Variants in EYS observed in about 807,000 individuals in gnomAD.
The protein encoded by EYS is protein eyes shut homolog.
EYS carries 250 observed loss-of-function variants against 282.1 expected under a neutral mutation model. That is an observed-to-expected ratio of 0.89 (90% confidence interval 0.80 to 0.98). The LOEUF is 0.98. Among genes scored for constraint, EYS ranks in the 50% least tolerant of loss-of-function variants. The pLI, the probability that EYS is intolerant of heterozygous loss-of-function variation, is 0.00. For missense variants in EYS, 4,016 were observed against 3,709.0 expected, an observed-to-expected ratio of 1.08 and a Z score of -2.15; for synonymous variants, 1,355 against 1,282.9, an observed-to-expected ratio of 1.06 and a Z score of -1.20.
intron 29 of EYS, among the ~76,000 whole-genome samples, chr6:64,343,699 A>G (rs1248293473): frequency 6.6e-6 from 1 of 152,138 alleles, no homozygotes; most frequent in Non-Finnish European, 1.5e-5. Flanking sequence ...GCAAGAAGTA[A>G]CTAAGATCGA....
rs547607307 is a variant in EYS, at chr6:63,751,694, T to C, written c.8071+10767A>G. Reference sequence around the variant, plus strand: ...TCTTTGCTGAAGGAATGGATTATTGTCAGAGTCCACTGGGAGTTGTGTGAA... The same window carrying C: ...TCTTTGCTGAAGGAATGGATTATTGCCAGAGTCCACTGGGAGTTGTGTGAA... On this transcript the variant is annotated intron_variant, in intron 41 of 42. Transcript: ENST00000503581. Among the ~76,000 whole-genome samples, 10 of 152,322 alleles carry C rather than the reference T, an allele frequency of 6.6e-5. No individual in the cohort carries two copies. The South Asian group carries it at 2.1e-3, about 32-fold the overall frequency.
chr6:65,057,819 C>A, intron 12 of EYS, 92 bp from the exon 13 acceptor site: 1 of 858,788 alleles, frequency 1.2e-6, no homozygotes, highest in Non-Finnish European at 1.9e-6. Context: ...CTTTAATCCA[C>A]TTAGGATGAC....
chr6:65,230,759 G>T (rs1766751049), intron 12 of EYS, among the ~76,000 whole-genome samples: 1 of 151,358 alleles, frequency 6.6e-6, no homozygotes, highest in Non-Finnish European at 1.5e-5. Flanking sequence ...AAATTTGTCT[G>T]GAATATCCCT....
At chr6:63,777,938 G>T in intron 40 of EYS, 68 bp downstream of exon 40, 2 of 1,355,528 alleles carry the variant, frequency 1.5e-6, no homozygotes, top group South Asian at 2.5e-5. Flanking sequence ...CAAGTGGAAT[G>T]ACAGAGTGGA....
chr6:63,906,181 T>C (rs538579614), intron 35 of EYS, among the ~76,000 whole-genome samples: 1 of 152,352 alleles, frequency 6.6e-6, no homozygotes, highest in South Asian at 2.1e-4. Flanking sequence ...CCAGTTTTCC[T>C]TGTTATGAAG....
rs549456693 is a variant in EYS, at chr6:65,295,886, C to T, written c.2000G>A (p.Arg667His). The T allele has an allele frequency of 2.8e-4, 441 of 1,547,622 alleles. No homozygotes were observed. Among genetic ancestry groups the T allele is most frequent in the African/African-American group, 1.4e-3 (105 of 72,988 alleles). The change falls in exon 12 of 43, where the codon CGC becomes CAC. Residue 667 changes from arginine to histidine, a missense_variant. Coordinates refer to ENST00000503581, the MANE Select transcript of EYS (RefSeq NM_001142800.2). ...TSTHLRGYFFRKCVPGFKGTQ... is the reference protein window; with the variant it reads ...TSTHLRGYFFHKCVPGFKGTQ... ...GCCTTTAAATCCTGGGACACACTTG[C>T]GGAAGAAATATCCCCTTAAATGTGT...
intron 15 of EYS, among the ~76,000 whole-genome samples, chr6:64,944,682 T>C (rs896967235): frequency 1.3e-5 from 2 of 151,990 alleles, no homozygotes; most frequent in Non-Finnish European, 2.9e-5. Context: ...GAGGAAAGCA[T>C]CTTGCAGCTG....
Position 63,721,400 on chromosome 6 carries a change from T to C in EYS, c.8631A>G (p.Thr2877=). 1 of 1,551,666 alleles carries C rather than the reference T, an allele frequency of 6.4e-7. No homozygotes were observed. The highest frequency in any genetic ancestry group is 8.7e-7 in the Non-Finnish European group (1 of 1,146,858). ...GGSNVGDCDG[T]ACGYNTCRNG... ...TTCTGCATGTGTTGTACCCACAGGC[T>C]GTCCCATCACAGTCACCTACATTTG... The change falls in exon 43 of 43, where the codon ACA becomes ACG. Residue 2877 remains threonine, a synonymous_variant. Transcript: ENST00000503581.
At chr6:64,387,630 A>G (rs576820174) in intron 29 of EYS, among the ~76,000 whole-genome samples, 70 of 152,298 alleles carry the variant, frequency 4.6e-4, no homozygotes, top group Admixed American at 1.8e-3. Context: ...TAAACAAAAC[A>G]TATTTTTTAC....
chr6:64,085,744 A>T (rs969259859), intron 31 of EYS, among the ~76,000 whole-genome samples: 1 of 152,236 alleles, frequency 6.6e-6, no homozygotes, highest in Non-Finnish European at 1.5e-5. Flanking sequence ...AATACAACTT[A>T]ACTATTATTA....
At chr6:64,920,942 C>T (rs1056786620) in intron 15 of EYS, among the ~76,000 whole-genome samples, 1 of 152,088 alleles carries the variant, frequency 6.6e-6, no homozygotes, top group Non-Finnish European at 1.5e-5. Flanking sequence ...ACATTTTAAA[C>T]TCCCAGTTTA....
chr6:65,664,348 T>C (rs1768128456), intron 1 of EYS, among the ~76,000 whole-genome samples: 1 of 151,998 alleles, frequency 6.6e-6, no homozygotes, highest in African/African-American at 2.4e-5. Context: ...TCAAGAAGTG[T>C]TATGGAAATG....
intron 5 of EYS, among the ~76,000 whole-genome samples, chr6:65,474,215 C>G (rs1216835002): frequency 6.6e-6 from 1 of 152,036 alleles, no homozygotes; most frequent in African/African-American, 2.4e-5. Flanking sequence ...GCAATAGTTT[C>G]ATAAATGCAA....
At chr6:65,388,366 A>T (rs1765878757) in intron 7 of EYS, among the ~76,000 whole-genome samples, 2 of 152,010 alleles carry the variant, frequency 1.3e-5, no homozygotes, top group South Asian at 4.1e-4. Context: ...AGTGACAGAT[A>T]GGGAGAGGTG....
intron 25 of EYS, among the ~76,000 whole-genome samples, chr6:64,592,434 A>G (rs1466871158): frequency 6.6e-6 from 1 of 152,152 alleles, no homozygotes; most frequent in Non-Finnish European, 1.5e-5. Context: ...TTAATTTTTT[A>G]AAAGAATAGA....
chr6:64,399,766 G>A (rs73453299), intron 28 of EYS, among the ~76,000 whole-genome samples: 1 of 151,792 alleles, frequency 6.6e-6, no homozygotes, highest in East Asian at 1.9e-4. Flanking sequence ...TGTATGGAGA[G>A]TATCAAGATG....
chr6:64,060,941 A>T (rs1771145917), intron 33 of EYS, among the ~76,000 whole-genome samples: 1 of 152,204 alleles, frequency 6.6e-6, no homozygotes, highest in Non-Finnish European at 1.5e-5. Context: ...AGCTATTAAA[A>T]AGTGGCTATT....
intron 26 of EYS, among the ~76,000 whole-genome samples, chr6:64,533,660 G>T (rs1764425932): frequency 1.3e-5 from 2 of 151,888 alleles, no homozygotes; most frequent in Non-Finnish European, 2.9e-5. Context: ...TTTGTCTTCG[G>T]CATATTTATA....
intron 12 of EYS, among the ~76,000 whole-genome samples, chr6:65,125,698 A>G (rs527889963): frequency 6.6e-6 from 1 of 152,246 alleles, no homozygotes; most frequent in African/African-American, 2.4e-5. Context: ...AGTGGATAAG[A>G]AAGTCTGTGT....
Sources: gnomAD v4.1 joint callset for allele counts (sites outside exome capture counted in the v4.1 genomes callset) on GRCh38, gnomAD v4.1.1 for gene constraint, MANE v1.5 for transcripts, NCBI Gene and HGNC (gene_info 2026-07-23, HGNC 2026-07-21) for gene names.